Variants in HS3ST1 observed in about 807,000 individuals in gnomAD.
HS3ST1 encodes the protein heparan sulfate glucosamine 3-O-sulfotransferase 1.
A neutral mutation model predicts 20.7 loss-of-function variants in HS3ST1; 8 were observed. The observed-to-expected ratio is 0.39, with a 90% CI of 0.23 to 0.70. HS3ST1 has a LOEUF of 0.70. Ranked by LOEUF, HS3ST1 falls within the 30% of genes least tolerant of loss-of-function variation. The pLI, the probability that HS3ST1 is intolerant of heterozygous loss-of-function variation, is 0.46. For synonymous variants in HS3ST1, 205 were observed against 190.4 expected, an observed-to-expected ratio of 1.08 and a Z score of -0.63; for missense variants, 436 against 423.4, an observed-to-expected ratio of 1.03 and a Z score of -0.26.
At chr4:11,406,403 A>AG (rs1339366532) in intron 1 of HS3ST1, among the ~76,000 whole-genome samples, 1 of 152,180 alleles carries the variant, frequency 6.6e-6, no homozygotes, top group Non-Finnish European at 1.5e-5. Flanking sequence ...ATGAGCTTAA[A>AG]TCTACTTGAT....
At position 11,396,876 on chromosome 4, in the gene HS3ST1, A is replaced by G. The variant is rs1718160125; in HGVS notation, c.*2206T>C. 1 of 152,310 alleles carries G rather than the reference A, an allele frequency of 6.6e-6. No individual in the cohort carries two copies. Among genetic ancestry groups the G allele is most frequent in the Non-Finnish European group, 1.5e-5 (1 of 68,100 alleles). The allele number at this position is 152,310 out of a possible 1,614,324, so 9.4% of individuals were successfully genotyped here. A position where few individuals can be genotyped will look rare whatever the true frequency, so the allele number is the denominator to read the frequency against. On this transcript the variant is annotated 3_prime_UTR_variant, in exon 2 of 2. Coordinates refer to ENST00000002596, the MANE Select transcript of HS3ST1 (RefSeq NM_005114.4). ...ATCGACTATGCCAGTCCCAGCAGCT[A>G]GATTATATTCCATGTGCTGGTCCTG...
intron 1 of HS3ST1, among the ~76,000 whole-genome samples, chr4:11,425,018 G>C (rs1719027117): frequency 2.0e-5 from 3 of 152,198 alleles, no homozygotes; most frequent in Admixed American, 2.0e-4. Flanking sequence ...CTGAATTCTA[G>C]TCTGGAATCC....
In HS3ST1 at chr4:11,398,256, G is replaced by A. The variant is rs1718192149; in HGVS notation, c.*826C>T. The A allele has an allele frequency of 6.6e-6, 1 of 152,164 alleles. No individual in the cohort carries two copies. The highest frequency in any genetic ancestry group is 1.5e-5 in the Non-Finnish European group (1 of 68,038). 9.4% of individuals were successfully genotyped at this position (152,164 alleles called of 1,614,324 possible). ...CTTTTAGTCAGCCTTTCACAGAACC[G>A]ACAGGATGAAGACACGCATAGATTT... On this transcript the variant is annotated 3_prime_UTR_variant, in exon 2 of 2. Transcript: ENST00000002596.
chr4:11,399,709 G>A lies in HS3ST1; in HGVS notation c.297C>T (p.Gly99=). The A allele has an allele frequency of 3.7e-6, 6 of 1,613,900 alleles. No individual in the cohort carries two copies. Among genetic ancestry groups the A allele is most frequent in the Non-Finnish European group, 5.1e-6 (6 of 1,180,040 alleles). Residue 99 remains glycine (G), a synonymous_variant, in exon 2 of 2, where the codon GGC becomes GGT. Transcript: ENST00000002596. The surrounding 1 kb of genome is among the most constrained non-coding windows in gnomAD (Gnocchi z 5.1). ...GCATCTGGCTGAGGTACCAGCCCAA[G>A]CCGTGGCTGTAATGCTCCTCCCAGT... is the stretch of plus-strand genomic sequence containing the variant. The part of the protein sequence containing the change: ...FFDWEEHYSH[G]LGWYLSQMPF...
At position 11,398,236 on chromosome 4, in the gene HS3ST1, A is replaced by G. The variant is rs965092551; in HGVS notation, c.*846T>C. ...CTAAGCAAAAGACTACTACCCTTTT[A>G]GTCAGCCTTTCACAGAACCGACAGG... On this transcript the variant is annotated 3_prime_UTR_variant, in exon 2 of 2. Transcript: ENST00000002596. The G allele has an allele frequency of 2.0e-5, 3 of 152,234 alleles. No individual in the cohort carries two copies. Among genetic ancestry groups the G allele is most frequent in the African/African-American group, 7.2e-5 (3 of 41,468 alleles). The allele number at this position is 152,234 out of a possible 1,614,324, so 9.4% of individuals were successfully genotyped here.
chr4:11,408,879 G>A (rs1005942904), intron 1 of HS3ST1, among the ~76,000 whole-genome samples: 2 of 152,230 alleles, frequency 1.3e-5, no homozygotes, highest in Non-Finnish European at 2.9e-5. Context: ...GCCTCTGAGA[G>A]GTGCCATCTT....
At chr4:11,434,041 C>G (rs974765005), upstream of HS3ST1, among the ~76,000 whole-genome samples, 1 of 152,158 alleles carries the variant, frequency 6.6e-6, no homozygotes. Flanking sequence ...TCCCTATTGT[C>G]CCTGAAAACT....
intron 1 of HS3ST1, among the ~76,000 whole-genome samples, chr4:11,420,172 T>G (rs1435222283): frequency 6.6e-6 from 1 of 152,224 alleles, no homozygotes; most frequent in Non-Finnish European, 1.5e-5. Flanking sequence ...AGGAACTGGT[T>G]ATTTTGGCAT....
intron 1 of HS3ST1, among the ~76,000 whole-genome samples, chr4:11,404,457 G>T (rs1232482486): frequency 1.3e-5 from 2 of 152,162 alleles, no homozygotes; most frequent in Admixed American, 1.3e-4. Context: ...GACACATATG[G>T]CTGGTGGCAA....
intron 1 of HS3ST1, among the ~76,000 whole-genome samples, chr4:11,402,416 A>G (rs1272844415): frequency 6.6e-6 from 1 of 152,194 alleles, no homozygotes; most frequent in African/African-American, 2.4e-5. Context: ...TTTTTAGTCA[A>G]GTGATGGTTT....
chr4:11,404,420 T>C (rs994001088), intron 1 of HS3ST1, among the ~76,000 whole-genome samples: 6 of 152,222 alleles, frequency 3.9e-5, no homozygotes, highest in Non-Finnish European at 8.8e-5. Flanking sequence ...CAAGTGCATA[T>C]ATATTTCCTG....
At chr4:11,429,093 C>G (rs770717784), upstream of HS3ST1, 2 of 152,420 alleles carry the variant, frequency 1.3e-5, no homozygotes, top group Non-Finnish European at 2.9e-5. Context: ...CCTGGTGCTC[C>G]GCTCTGCGCT....
chr4:11,432,700 C>T (rs1719228182), upstream of HS3ST1, among the ~76,000 whole-genome samples: 2 of 152,132 alleles, frequency 1.3e-5, no homozygotes, highest in South Asian at 2.1e-4. Flanking sequence ...ATGATATCCT[C>T]GAATAACTCC....
At chr4:11,400,862 T>C (rs1159479828) in intron 1 of HS3ST1, among the ~76,000 whole-genome samples, 1 of 152,196 alleles carries the variant, frequency 6.6e-6, no homozygotes, top group Non-Finnish European at 1.5e-5. Context: ...GCCTTGTGTG[T>C]TTTTGCTCAC....
intron 1 of HS3ST1, among the ~76,000 whole-genome samples, chr4:11,422,398 A>G (rs1009061511): frequency 3.3e-5 from 5 of 152,218 alleles, no homozygotes; most frequent in African/African-American, 1.2e-4. Context: ...AGTGTGAGAA[A>G]GTAAGCAAAT....
intron 1 of HS3ST1, among the ~76,000 whole-genome samples, chr4:11,405,720 C>A (rs182394977): frequency 6.6e-6 from 1 of 151,936 alleles, no homozygotes; most frequent in African/African-American, 2.4e-5. Flanking sequence ...CATTTCTAAT[C>A]GTGATTGGGC....
At chr4:11,414,376 T>G (rs144350343) in intron 1 of HS3ST1, among the ~76,000 whole-genome samples, 2 of 152,296 alleles carry the variant, frequency 1.3e-5, no homozygotes, top group African/African-American at 4.8e-5. Context: ...TTTTCAAGAC[T>G]TCCTGCTTCT....
rs369766555 is a variant in HS3ST1 at position 11,399,378 on chromosome 4, G to A, written c.628C>T (p.Arg210Cys). ...TCGCCGTCCACAATGTGGATGTGGC[G>A]CAGCGGGAAAAAGCGCAGCCAGTTC... ...MQNWLRFFPLRHIHIVDGDRL... is the reference protein window; with the variant it reads ...MQNWLRFFPLCHIHIVDGDRL... The change falls in exon 2 of 2, where the codon CGC becomes TGC. Residue 210 changes from arginine (R) to cysteine (C), a missense_variant. Physicochemically the swap from Arg to Cys is radical, Grantham distance 180 (BLOSUM62 -3). Transcript: ENST00000002596. This position sits in a 1 kb window ranked among gnomAD's most constrained non-coding sequence, Gnocchi z 5.1. The A allele has an allele frequency of 1.5e-5, 25 of 1,614,008 alleles. No homozygotes were observed. Among genetic ancestry groups the A allele is most frequent in the Middle Eastern group, 1.6e-4 (1 of 6,062 alleles).
At chr4:11,407,995 A>G (rs1377389701) in intron 1 of HS3ST1, among the ~76,000 whole-genome samples, 1 of 151,996 alleles carries the variant, frequency 6.6e-6, no homozygotes, top group African/African-American at 2.4e-5. Context: ...TTTGTTTCCT[A>G]CTGTTGTTGG....
Sources: gnomAD v4.1 joint callset for allele counts (sites outside exome capture counted in the v4.1 genomes callset) on GRCh38, gnomAD v4.1.1 for gene constraint, Gnocchi (gnomAD v3.1) non-coding constraint, MANE v1.5 for transcripts, NCBI Gene and HGNC (gene_info 2026-07-23, HGNC 2026-07-21) for gene names.